Variants in RRBP1 observed in about 807,000 individuals in gnomAD.
RRBP1 encodes the protein ribosome-binding protein 1.
In RRBP1, 94 loss-of-function variants were observed where a neutral mutation model predicts 165.2. That is an observed-to-expected ratio of 0.57 (90% CI 0.48 to 0.68). The LOEUF is 0.68. Among genes scored for constraint, RRBP1 ranks in the 30% least tolerant of loss-of-function variants. The probability of loss-of-function intolerance (pLI) is 0.00; values close to 1 mark genes in which losing one functional copy is unlikely to be tolerated. For missense variants in RRBP1, 1,676 were observed against 1,763.0 expected, an observed-to-expected ratio of 0.95 and a Z score of 0.88; for synonymous variants, 680 against 714.5, an observed-to-expected ratio of 0.95 and a Z score of 0.77.
intron 2 of RRBP1, among the ~76,000 whole-genome samples, chr20:17,679,243 C>T (rs559513085): frequency 2.6e-5 from 4 of 152,192 alleles, no homozygotes; most frequent in Non-Finnish European, 5.9e-5. Flanking sequence ...ACCTTAAAAA[C>T]CAAGTTGGGC....
chr20:17,663,237 G>C (rs2036803108), intron 2 of RRBP1, among the ~76,000 whole-genome samples: 1 of 152,190 alleles, frequency 6.6e-6, no homozygotes, highest in Admixed American at 6.5e-5. Context: ...GAGGACTGTG[G>C]GGCTCTGTGC....
intron 3 of RRBP1, among the ~76,000 whole-genome samples, chr20:17,657,633 G>C (rs1287663051): frequency 6.6e-6 from 1 of 152,150 alleles, no homozygotes; most frequent in African/African-American, 2.4e-5. Context: ...GGAAAGGAAA[G>C]GAGAGGAGAG....
At chr20:17,656,499 A>G (rs1156581223) in intron 3 of RRBP1, among the ~76,000 whole-genome samples, 1 of 152,206 alleles carries the variant, frequency 6.6e-6, no homozygotes, top group Non-Finnish European at 1.5e-5. Context: ...TTTCCAAATT[A>G]TGAATATATG....
In RRBP1 at chr20:17,659,748, C is replaced by G; in HGVS notation, c.760G>C (p.Gly254Arg). 6.5e-7 allele frequency: 1 copy of G among 1,550,280 alleles called. No individual in the cohort carries two copies. The highest frequency in any genetic ancestry group is 8.7e-7 in the Non-Finnish European group (1 of 1,146,926). The change falls in exon 3 of 25, where the codon GGA (glycine) becomes CGA (arginine). Residue 254 changes from glycine to arginine, a missense_variant. Gly to Arg is a moderately radical substitution (Grantham distance 125). Around this residue, in one of 5 missense-constraint regions of RRBP1, gnomAD observed 392 missense variants for 382.5 expected, o/e 1.02. Transcript: ENST00000377813. ...GCCTTTTTGCCTTGGTTTGGGGTTC[C>G]TTCTGCCTTTTTGCCTTGGTTTGGG... ...GTPNQGKKAE[G>R]TPNQGKKAEG...
intron 2 of RRBP1, among the ~76,000 whole-genome samples, chr20:17,672,972 C>T (rs781257126): frequency 6.6e-6 from 1 of 152,094 alleles, no homozygotes; most frequent in Non-Finnish European, 1.5e-5. Flanking sequence ...TCCCTGCCCA[C>T]GATGGGCAGC....
chr20:17,628,684 C>T (rs1335031750), intron 9 of RRBP1, among the ~76,000 whole-genome samples: 1 of 152,258 alleles, frequency 6.6e-6, no homozygotes, highest in Non-Finnish European at 1.5e-5. Flanking sequence ...CTCACATAGG[C>T]CAAGTCAGTT....
intron 5 of RRBP1, among the ~76,000 whole-genome samples, 157 bp from the exon 6 acceptor site, chr20:17,636,886 T>C (rs6044923): frequency 0.99 from 151,405 of 152,356 alleles, 75,235 homozygotes; most frequent in Middle Eastern, 1. Context: ...CCAGCTGCAG[T>C]GGGAACGACG....
chr20:17,665,140 T>C (rs1483197583), intron 2 of RRBP1, among the ~76,000 whole-genome samples: 1 of 152,126 alleles, frequency 6.6e-6, no homozygotes, highest in African/African-American at 2.4e-5. Flanking sequence ...CATGTGTATA[T>C]GTATATATAT....
chr20:17,674,078 A>C (rs2037028695), intron 2 of RRBP1, among the ~76,000 whole-genome samples: 1 of 152,252 alleles, frequency 6.6e-6, no homozygotes, highest in Non-Finnish European at 1.5e-5. Flanking sequence ...AATTTAATGC[A>C]GTTGAGTTGC....
Position 17,682,233 on chromosome 20 carries a change from G to T in RRBP1, c.-304C>A, listed in dbSNP as rs1440955701. 6.6e-6 allele frequency: 1 copy of T among 152,236 alleles called. No individual in the cohort carries two copies. The highest frequency in any genetic ancestry group is 1.5e-5 in the Non-Finnish European group (1 of 68,150). The allele number at this position is 152,236 out of a possible 1,614,324, so 9.4% of individuals were successfully genotyped here. A position where few individuals can be genotyped will look rare whatever the true frequency, so the allele number is the denominator to read the frequency against. On this transcript the variant is annotated 5_prime_UTR_variant, in exon 1 of 25. Coordinates refer to ENST00000377813, the MANE Select transcript of RRBP1 (RefSeq NM_001365613.2). ...GCTGCGTGCGCGCGTGTGGAGTCGT[G>T]GCACTTTCTGCCTCAGAGCTGGCGA... is the stretch of plus-strand genomic sequence containing the variant.
chr20:17,652,552 C>T lies in RRBP1; in HGVS notation c.1912+6044G>A, dbSNP rs183230955. On this transcript the variant is annotated intron_variant, in intron 3 of 24. Coordinates refer to ENST00000377813, the MANE Select transcript of RRBP1 (RefSeq NM_001365613.2). Reference sequence around the variant, plus strand: ...AGCACAGCCCTCATGCCACCTCACCCCTCCCACCCAACACACTCACACCCA... The same window carrying T: ...AGCACAGCCCTCATGCCACCTCACCTCTCCCACCCAACACACTCACACCCA... Among the ~76,000 whole-genome samples the T allele has an allele frequency of 1.6e-3, 250 of 152,300 alleles. 1 individual carries two copies. Among genetic ancestry groups the T allele is most frequent in the Middle Eastern group, 6.8e-3 (2 of 294 alleles).
chr20:17,625,323 G>A (rs918006897), intron 12 of RRBP1, among the ~76,000 whole-genome samples, 189 bp downstream of exon 12: 3 of 152,094 alleles, frequency 2.0e-5, no homozygotes, highest in African/African-American at 7.2e-5. Context: ...TCAGCCCTGG[G>A]TCTTTGGCGG....
In RRBP1 at chr20:17,634,183, T is replaced by C. The variant is rs996205450; in HGVS notation, c.2457-570A>G. On this transcript the variant is annotated intron_variant, in intron 7 of 24. Transcript: ENST00000377813. Reference sequence around the variant, plus strand: ...AAAAGGGGGCAGCTGGAGGCCTGCCTTTCCAGCGTAAGGCGTGTGATCAGG... The same window carrying C: ...AAAAGGGGGCAGCTGGAGGCCTGCCCTTCCAGCGTAAGGCGTGTGATCAGG... Among the ~76,000 whole-genome samples, 71 of 152,228 alleles carry C rather than the reference T, an allele frequency of 4.7e-4. 3 individuals are homozygous for C. Among genetic ancestry groups the C allele is most frequent in the Non-Finnish European group, 8.8e-5 (6 of 68,042 alleles).
In RRBP1 at chr20:17,660,530, T is replaced by C; in HGVS notation, c.-21-2A>G. The C allele has an allele frequency of 6.5e-7, 1 of 1,545,506 alleles. No individual in the cohort carries two copies. Among genetic ancestry groups the C allele is most frequent in the Non-Finnish European group, 8.9e-7 (1 of 1,121,826 alleles). On this transcript the variant is annotated splice_acceptor_variant, in intron 2 of 24. Coordinates refer to ENST00000377813, the MANE Select transcript of RRBP1 (RefSeq NM_001365613.2). LOFTEE classifies it low-confidence loss of function (5UTR_SPLICE). Reference sequence around the variant, plus strand: ...CATCCTGGCTTGCTTTCCTTTCACCTGTCAAACATACATGGAGGTTACTAT... The same window carrying C: ...CATCCTGGCTTGCTTTCCTTTCACCCGTCAAACATACATGGAGGTTACTAT...
intron 3 of RRBP1, among the ~76,000 whole-genome samples, chr20:17,651,194 T>TG (rs2036550020): frequency 6.6e-6 from 1 of 152,212 alleles, no homozygotes; most frequent in African/African-American, 2.4e-5. Flanking sequence ...TAATGCTCCC[T>TG]GCTCCCCAAA....
Position 17,660,401 on chromosome 20 carries a change from GT to G in RRBP1, c.106del (p.Thr36ArgfsTer7). 6.2e-7 allele frequency: 1 copy of G among 1,614,062 alleles called. No individual in the cohort carries two copies. The highest frequency in any genetic ancestry group is 1.3e-5 in the African/African-American group (1 of 74,986). ...FLVSTFSMKE[T>X]SYEEALANQR... Reference sequence around the variant, plus strand: ...GTTGGCTAGGGCTTCTTCATATGACGTTTCCTTCATGGAGAAAGTCGACACC... The same window carrying G: ...GTTGGCTAGGGCTTCTTCATATGACGTTCCTTCATGGAGAAAGTCGACACC... On this transcript the variant is annotated frameshift_variant, in exon 3 of 25. Transcript: ENST00000377813. LOFTEE classifies it high-confidence loss of function.
At chr20:17,673,793 G>T (rs1461307662) in intron 2 of RRBP1, among the ~76,000 whole-genome samples, 1 of 152,202 alleles carries the variant, frequency 6.6e-6, no homozygotes, top group East Asian at 1.9e-4. Context: ...AGATGGAAAA[G>T]ACTAACTTAG....
intron 4 of RRBP1, 31 bp downstream of exon 4, chr20:17,642,948 C>G: frequency 1.2e-6 from 2 of 1,607,970 alleles, no homozygotes; most frequent in South Asian, 1.1e-5. Context: ...GCAGTGGCCT[C>G]TGAGCATGGC....
At chr20:17,617,122 G>A (rs1450924155) in intron 20 of RRBP1, among the ~76,000 whole-genome samples, 1 of 152,222 alleles carries the variant, frequency 6.6e-6, no homozygotes, top group African/African-American at 2.4e-5. Flanking sequence ...TGATGGGCAT[G>A]GCCCACAGAG....
Sources: allele counts gnomAD v4.1 joint callset (sites outside exome capture counted in the v4.1 genomes callset), GRCh38; gene constraint gnomAD v4.1.1; regional missense constraint gnomAD v4.1.1; transcripts MANE v1.5; gene names NCBI Gene and HGNC (gene_info 2026-07-23, HGNC 2026-07-21).